INPP4B: variants seen among roughly 807,000 people sequenced by gnomAD.
INPP4B encodes the protein inositol polyphosphate-4-phosphatase type II B.
A neutral mutation model predicts 122.5 loss-of-function variants in INPP4B; 55 were observed. The observed-to-expected ratio is 0.45, with a 90% CI of 0.36 to 0.56. INPP4B has a LOEUF of 0.56. INPP4B is among the 20% of genes least tolerant of loss of function. The pLI is 0.00. For missense variants in INPP4B, 1,000 were observed against 1,097.7 expected (o/e 0.91, Z 1.26); for synonymous variants, 403 against 388.7 (o/e 1.04, Z -0.43).
intron 7 of INPP4B, among the ~76,000 whole-genome samples, chr4:142,379,375 G>T (rs1793218140): frequency 6.6e-6 from 1 of 152,118 alleles, no homozygotes; most frequent in Non-Finnish European, 1.5e-5. Flanking sequence ...CCACGAAACT[G>T]AAGGAATCAG....
At chr4:142,637,088 A>C (rs1196189796) in intron 2 of INPP4B, among the ~76,000 whole-genome samples, 1 of 152,204 alleles carries the variant, frequency 6.6e-6, no homozygotes, top group East Asian at 1.9e-4. Flanking sequence ...CAGAAAGTAC[A>C]TAGAGTTCCC....
chr4:142,405,395 C>G, intron 5 of INPP4B, 71 bp from the exon 6 acceptor site: 1 of 946,528 alleles, frequency 1.1e-6, no homozygotes, highest in South Asian at 1.3e-5. Flanking sequence ...CTGCGCCGGG[C>G]TGAAAGTGAA....
intron 9 of INPP4B, among the ~76,000 whole-genome samples, chr4:142,277,001 C>G (rs2150701236): frequency 6.6e-6 from 1 of 151,808 alleles, no homozygotes; most frequent in Admixed American, 6.6e-5. Flanking sequence ...TCCAAAATTG[C>G]ATTAAAATTA....
At chr4:142,236,363 C>T (rs1188085513) in intron 12 of INPP4B, among the ~76,000 whole-genome samples, 2 of 152,136 alleles carry the variant, frequency 1.3e-5, no homozygotes, top group East Asian at 1.9e-4. Context: ...TTGTCTATTG[C>T]CTACATTACC....
chr4:142,470,372 T>C (rs1053458128), intron 2 of INPP4B, among the ~76,000 whole-genome samples: 2 of 152,162 alleles, frequency 1.3e-5, no homozygotes, highest in African/African-American at 4.8e-5. Flanking sequence ...TTATAAACAA[T>C]GATCAACAGT....
At chr4:142,681,957 T>A (rs1348072727) in intron 2 of INPP4B, among the ~76,000 whole-genome samples, 1 of 151,856 alleles carries the variant, frequency 6.6e-6, no homozygotes, top group Non-Finnish European at 1.5e-5. Context: ...AAAAGTTCAG[T>A]CATAAAGTGC....
intron 1 of INPP4B, among the ~76,000 whole-genome samples, chr4:142,741,492 T>A (rs1767894991): frequency 6.6e-6 from 1 of 151,932 alleles, no homozygotes; most frequent in African/African-American, 2.4e-5. Flanking sequence ...GGGGATTACA[T>A]TTCAACATGA....
At chr4:142,692,716 G>A (rs1760365582) in intron 2 of INPP4B, among the ~76,000 whole-genome samples, 1 of 152,124 alleles carries the variant, frequency 6.6e-6, no homozygotes. Context: ...CAGGAGTTAC[G>A]GTTCTGCCCT....
intron 11 of INPP4B, among the ~76,000 whole-genome samples, chr4:142,259,390 A>T (rs1738425390): frequency 6.6e-6 from 1 of 151,348 alleles, no homozygotes; most frequent in Non-Finnish European, 1.5e-5. Context: ...AAAAAAAAAG[A>T]TCAGATACCA....
intron 7 of INPP4B, among the ~76,000 whole-genome samples, chr4:142,394,392 G>A (rs1365593666): frequency 5.3e-5 from 8 of 152,076 alleles, no homozygotes; most frequent in South Asian, 2.1e-4. Flanking sequence ...TGATCTGCCC[G>A]CCTCAGCCTC....
chr4:142,435,270 T>C (rs1810182607), intron 3 of INPP4B, among the ~76,000 whole-genome samples: 1 of 152,180 alleles, frequency 6.6e-6, no homozygotes. Context: ...TCATTTAGTT[T>C]TGTTTTGTTT....
intron 9 of INPP4B, among the ~76,000 whole-genome samples, chr4:142,283,324 G>T (rs1752055291): frequency 6.6e-6 from 1 of 152,074 alleles, no homozygotes; most frequent in Admixed American, 6.6e-5. Context: ...CAGTTTAGCA[G>T]ATTTTAAATT....
In INPP4B at chr4:142,403,189, T is replaced by C. The variant is rs1477558427; in HGVS notation, c.256-135A>G. 9.2e-6 allele frequency: 6 copies of C among 651,384 alleles called. No individual in the cohort carries two copies. The East Asian group carries it at 1.5e-4, about 17-fold the overall frequency. 40.4% of individuals were successfully genotyped at this position (651,384 alleles called of 1,614,324 possible). A position where few individuals can be genotyped will look rare whatever the true frequency, so the allele number is the denominator to read the frequency against. ...GGAAATAGTTCTATTAGAAGAGATC[T>C]GAATTGTCAAATCCTGCTCTTGGGC... On this transcript the variant is annotated intron_variant, in intron 6 of 25. Transcript: ENST00000262992.
intron 6 of INPP4B, among the ~76,000 whole-genome samples, chr4:142,403,284 G>C (rs1413759687): frequency 2.0e-5 from 3 of 152,208 alleles, no homozygotes. Context: ...ATCATTGTCA[G>C]AGCTGCCTTG....
At chr4:142,166,135 A>T (rs1228944524) in intron 16 of INPP4B, among the ~76,000 whole-genome samples, 1 of 151,716 alleles carries the variant, frequency 6.6e-6, no homozygotes. Context: ...TGCATATTTT[A>T]TAAATATTTT....
intron 5 of INPP4B, among the ~76,000 whole-genome samples, chr4:142,411,313 G>C (rs965636808): frequency 1.3e-5 from 2 of 152,218 alleles, no homozygotes; most frequent in African/African-American, 4.8e-5. Context: ...ATGTCCCAAA[G>C]GGTCAGGGAA....
chr4:142,512,670 G>GTCA (rs1030025829), intron 2 of INPP4B, among the ~76,000 whole-genome samples: 1 of 151,854 alleles, frequency 6.6e-6, no homozygotes, highest in Non-Finnish European at 1.5e-5. Flanking sequence ...TTTAGTCGTC[G>GTCA]TCATCATCAT....
At chr4:142,802,427 A>C (rs1778120920) in intron 1 of INPP4B, among the ~76,000 whole-genome samples, 1 of 152,180 alleles carries the variant, frequency 6.6e-6, no homozygotes, top group Non-Finnish European at 1.5e-5. Context: ...CTATATTGTG[A>C]GAATGAGAGT....
At chr4:142,113,967 C>T (rs896080361) in intron 21 of INPP4B, among the ~76,000 whole-genome samples, 7 of 151,986 alleles carry the variant, frequency 4.6e-5, no homozygotes, top group Non-Finnish European at 1.0e-4. Flanking sequence ...AGCTATACTA[C>T]CACCGCTAGC....
Sources: gnomAD v4.1 joint callset for allele counts (sites outside exome capture counted in the v4.1 genomes callset) on GRCh38, gnomAD v4.1.1 for gene constraint, MANE v1.5 for transcripts, NCBI Gene and HGNC (gene_info 2026-07-23, HGNC 2026-07-21) for gene names.